RSPH14: variants seen among roughly 807,000 people sequenced by gnomAD.
RSPH14 encodes the protein radial spoke head 14 homolog.
RSPH14 carries 20 observed loss-of-function variants against 26.7 expected under a neutral mutation model. That is an observed-to-expected ratio of 0.75 (90% CI 0.53 to 1.09). The LOEUF (loss-of-function observed/expected upper bound fraction) is 1.09, where lower values mean the gene tolerates loss of function less well. Among genes scored for constraint, RSPH14 ranks in the 50% least tolerant of loss-of-function variants. The pLI is 0.00. For synonymous variants in RSPH14, 177 were observed against 189.3 expected (o/e 0.93, Z 0.53); for missense variants, 449 against 457.2 (o/e 0.98, Z 0.16).
At chr22:23,098,303 G>A (rs1356637050) in intron 4 of RSPH14, among the ~76,000 whole-genome samples, 2 of 152,206 alleles carry the variant, frequency 1.3e-5, no homozygotes, top group Non-Finnish European at 2.9e-5. Flanking sequence ...CCCAAGTGGC[G>A]CCTCCTGGGA....
At chr22:23,166,961 G>T in the RSPH14 span, among the ~76,000 whole-genome samples, 40 of 152,220 alleles carry the variant, frequency 2.6e-4, no homozygotes, top group East Asian at 7.5e-3. Context: ...AGGTGCTCTG[G>T]AAGCTCGTTT....
intron 4 of RSPH14, chr22:23,096,100 A>G (rs1460452948): frequency 6.2e-7 from 1 of 1,610,542 alleles, no homozygotes; most frequent in African/African-American, 1.3e-5. Flanking sequence ...GGGCCGACCC[A>G]GGGGCACAGG....
At chr22:23,160,387 ACCAG>A in the RSPH14 span, among the ~76,000 whole-genome samples, 4 of 152,188 alleles carry the variant, frequency 2.6e-5, no homozygotes, top group Admixed American at 2.6e-4. Flanking sequence ...AGGGCTGGAA[ACCAG>A]CCCGCTCTCT....
chr22:23,164,840 C>T, the RSPH14 span, among the ~76,000 whole-genome samples: 1 of 152,258 alleles, frequency 6.6e-6, no homozygotes, highest in South Asian at 2.1e-4. Flanking sequence ...TCCTGGCTCC[C>T]CAGGGCTAGG....
At chr22:23,064,905 C>T (rs1341734873) in intron 4 of RSPH14, among the ~76,000 whole-genome samples, 9 of 152,154 alleles carry the variant, frequency 5.9e-5, no homozygotes, top group African/African-American at 1.9e-4. Context: ...GAACCCAGCA[C>T]GAGTGGCATC....
At chr22:23,070,431 C>T (rs1268413613) in intron 4 of RSPH14, 2 of 147,668 alleles carry the variant, frequency 1.4e-5, no homozygotes, top group Non-Finnish European at 3.0e-5. Context: ...GTGCGCCGCC[C>T]GCGGTCCGGT....
At chr22:23,108,156 C>T (rs2069538181) in intron 4 of RSPH14, among the ~76,000 whole-genome samples, 1 of 152,236 alleles carries the variant, frequency 6.6e-6, no homozygotes, top group African/African-American at 2.4e-5. Context: ...CAGGCAATCC[C>T]AACCCCTGCC....
the RSPH14 span, among the ~76,000 whole-genome samples, chr22:23,151,682 G>A: frequency 6.6e-6 from 1 of 152,164 alleles, no homozygotes; most frequent in East Asian, 1.9e-4. Context: ...AGGAGTTTGA[G>A]ACTACTAGCC....
At chr22:23,096,538 C>T in intron 4 of RSPH14, 1 of 1,043,996 alleles carries the variant, frequency 9.6e-7, no homozygotes, top group Non-Finnish European at 1.4e-6. Context: ...GCAGGCCTGG[C>T]CCTGCTGCAC....
the RSPH14 span, chr22:23,162,614 G>A: frequency 2.2e-6 from 1 of 456,144 alleles, no homozygotes; most frequent in Non-Finnish European, 4.4e-6. Context: ...CAGCCTCTCT[G>A]CCCAGTATGC....
the RSPH14 span, among the ~76,000 whole-genome samples, chr22:23,172,106 C>A: frequency 7.9e-5 from 12 of 152,326 alleles, no homozygotes; most frequent in South Asian, 8.3e-4. Context: ...CAATATGTGG[C>A]TTTTTGTGAC....
At chr22:23,081,391 A>G (rs530763399) in intron 4 of RSPH14, among the ~76,000 whole-genome samples, 9 of 152,342 alleles carry the variant, frequency 5.9e-5, no homozygotes, top group African/African-American at 2.2e-4. Flanking sequence ...AAAATAAAGT[A>G]CACGTGTGTC....
chr22:23,140,117 G>A, intron 2 of RSPH14, 105 bp downstream of exon 2: 2 of 1,436,224 alleles, frequency 1.4e-6, no homozygotes, highest in East Asian at 4.7e-5. Context: ...GAACTGGCCT[G>A]GAGTCAGGCT....
the RSPH14 span, among the ~76,000 whole-genome samples, chr22:23,174,899 G>A: frequency 2.6e-5 from 4 of 151,804 alleles, no homozygotes; most frequent in Admixed American, 6.6e-5. Context: ...ACCGGGAAGC[G>A]GAGGTTGTGG....
intron 4 of RSPH14, among the ~76,000 whole-genome samples, chr22:23,087,133 G>C (rs1005224356): frequency 6.6e-6 from 1 of 152,198 alleles, no homozygotes; most frequent in Non-Finnish European, 1.5e-5. Context: ...AGCTGATGTA[G>C]GGACGGCGGC....
chr22:23,147,471 C>G (rs1200644245), upstream of RSPH14, among the ~76,000 whole-genome samples: 1 of 152,042 alleles, frequency 6.6e-6, no homozygotes, highest in Non-Finnish European at 1.5e-5. Context: ...GCTAGGACCA[C>G]AGGCATGTGC....
the RSPH14 span, among the ~76,000 whole-genome samples, chr22:23,174,593 G>A: frequency 6.6e-6 from 1 of 151,746 alleles, no homozygotes; most frequent in Non-Finnish European, 1.5e-5. Context: ...TGGCTTCAAA[G>A]TATACACAGA....
intron 4 of RSPH14, among the ~76,000 whole-genome samples, chr22:23,100,186 G>A (rs2069255379): frequency 6.6e-6 from 1 of 152,230 alleles, no homozygotes; most frequent in Non-Finnish European, 1.5e-5. Flanking sequence ...CAGGGAACTG[G>A]GGGACAAGGA....
At chr22:23,114,192 A>G (rs1030524362) in intron 4 of RSPH14, among the ~76,000 whole-genome samples, 1 of 152,138 alleles carries the variant, frequency 6.6e-6, no homozygotes, top group Non-Finnish European at 1.5e-5. Context: ...TGGCCTGTCC[A>G]TGGTGAATGG....
Sources: allele counts gnomAD v4.1 joint callset (sites outside exome capture counted in the v4.1 genomes callset), GRCh38; gene constraint gnomAD v4.1.1; transcripts MANE v1.5; gene names NCBI Gene and HGNC (gene_info 2026-07-23, HGNC 2026-07-21).